OPCML: variants seen among roughly 807,000 people sequenced by gnomAD.
OPCML encodes the protein opioid binding protein/cell adhesion molecule like, also known as opioid-binding protein/cell adhesion molecule.
OPCML carries 13 observed loss-of-function variants against 37.8 expected under a neutral mutation model. The ratio of observed to expected loss-of-function variants is 0.34; its 90% CI spans 0.22 to 0.55. The LOEUF is 0.55. Ranked by LOEUF, OPCML falls within the 20% of genes least tolerant of loss-of-function variation. The probability of loss-of-function intolerance (pLI) is 0.91; values close to 1 mark genes in which losing one functional copy is unlikely to be tolerated. For synonymous variants in OPCML, 176 were observed against 168.8 expected, an observed-to-expected ratio of 1.04 and a Z score of -0.33; for missense variants, 341 against 435.6, an observed-to-expected ratio of 0.78 and a Z score of 1.93.
At chr11:132,463,369 G>A (rs560199741) in intron 4 of OPCML, among the ~76,000 whole-genome samples, 29 of 152,290 alleles carry the variant, frequency 1.9e-4, no homozygotes, top group African/African-American at 4.6e-4. Flanking sequence ...TAGAGTGGGC[G>A]CCTGGACAGC....
intron 3 of OPCML, among the ~76,000 whole-genome samples, chr11:132,603,477 T>C (rs1938065816): frequency 6.6e-6 from 1 of 152,208 alleles, no homozygotes; most frequent in Admixed American, 6.5e-5. Flanking sequence ...ATCTCTACCA[T>C]CACTCCTCTG....
chr11:133,024,685 G>A (rs61910329), intron 1 of OPCML: 55,968 of 841,208 alleles, frequency 0.067, 1,982 homozygotes, highest in Non-Finnish European at 0.074. Context: ...GTCTATGAAA[G>A]TGGTGGGGGA....
chr11:133,248,735 A>C (rs1370044767), intron 1 of OPCML, among the ~76,000 whole-genome samples: 1 of 152,200 alleles, frequency 6.6e-6, no homozygotes, highest in East Asian at 1.9e-4. Context: ...AAAGGGCATA[A>C]TTAAAGGGCT....
chr11:132,445,746 G>C (rs1444827687), intron 4 of OPCML, among the ~76,000 whole-genome samples: 1 of 152,160 alleles, frequency 6.6e-6, no homozygotes, highest in South Asian at 2.1e-4. Flanking sequence ...GGTAAGTTGA[G>C]GACTCCTGTT....
At chr11:132,997,209 G>A (rs1946904513) in intron 1 of OPCML, among the ~76,000 whole-genome samples, 1 of 152,184 alleles carries the variant, frequency 6.6e-6, no homozygotes, top group Admixed American at 6.5e-5. Context: ...ACACGTATCT[G>A]CACATGAGTC....
At chr11:132,954,679 C>T (rs1476965675) in intron 1 of OPCML, among the ~76,000 whole-genome samples, 1 of 152,158 alleles carries the variant, frequency 6.6e-6, no homozygotes, top group Non-Finnish European at 1.5e-5. Context: ...ACAATGTTTA[C>T]AGTCATAGAT....
At position 132,737,740 on chromosome 11, in the gene OPCML, C is replaced by T. The variant is rs1945308050; in HGVS notation, c.147-80421G>A. Among the ~76,000 whole-genome samples, 2 of 152,060 alleles carry T rather than the reference C, an allele frequency of 1.3e-5. 1 individual carries two copies. Among genetic ancestry groups the T allele is most frequent in the Admixed American group, 1.3e-4 (2 of 15,256 alleles). On this transcript the variant is annotated intron_variant, in intron 2 of 7. Transcript: ENST00000524381. ...GTAAAATTACTGGGTCAAAAAGGCC[C>T]TTGGACATTCTAAACAGCAACAAAA... is the stretch of plus-strand genomic sequence containing the variant.
At chr11:133,022,086 G>A (rs892731715) in intron 1 of OPCML, among the ~76,000 whole-genome samples, 1 of 152,172 alleles carries the variant, frequency 6.6e-6, no homozygotes, top group Non-Finnish European at 1.5e-5. Flanking sequence ...TTTCTACTTC[G>A]CAGTAGGGCC....
At chr11:132,917,273 T>G (rs897632344) in intron 2 of OPCML, among the ~76,000 whole-genome samples, 7 of 152,240 alleles carry the variant, frequency 4.6e-5, no homozygotes, top group Non-Finnish European at 8.8e-5. Flanking sequence ...AAGGGACAAT[T>G]AGCATTCAAT....
intron 2 of OPCML, among the ~76,000 whole-genome samples, chr11:132,753,120 A>G (rs1945897285): frequency 6.6e-6 from 1 of 151,976 alleles, no homozygotes; most frequent in African/African-American, 2.4e-5. Context: ...TGGCCCCACA[A>G]GCCCTCCATT....
At chr11:133,499,493 C>T (rs1463149073) in intron 1 of OPCML, among the ~76,000 whole-genome samples, 1 of 152,070 alleles carries the variant, frequency 6.6e-6, no homozygotes, top group Non-Finnish European at 1.5e-5. Flanking sequence ...AACCCCTTTG[C>T]CACCGTGCTC....
chr11:132,888,227 C>T (rs1373603428), intron 2 of OPCML, among the ~76,000 whole-genome samples: 5 of 152,190 alleles, frequency 3.3e-5, no homozygotes, highest in African/African-American at 9.7e-5. Flanking sequence ...TGGGACGTCT[C>T]ACCCCATACC....
intron 1 of OPCML, among the ~76,000 whole-genome samples, chr11:133,019,969 T>C (rs913474800): frequency 4.6e-5 from 7 of 152,216 alleles, no homozygotes; most frequent in South Asian, 2.1e-4. Context: ...TAATTAACTA[T>C]TTAAAATTCC....
intron 1 of OPCML, among the ~76,000 whole-genome samples, chr11:133,185,063 C>T (rs1938011295): frequency 6.6e-6 from 1 of 152,146 alleles, no homozygotes; most frequent in Admixed American, 6.5e-5. Flanking sequence ...ACCCAGCTTT[C>T]AAACCTCATA....
intron 1 of OPCML, among the ~76,000 whole-genome samples, chr11:133,186,421 T>C (rs1592084446): frequency 6.6e-6 from 1 of 150,488 alleles, no homozygotes; most frequent in Non-Finnish European, 1.5e-5. Flanking sequence ...TTCAGGCCCA[T>C]AGCTGCCTCT....
intron 2 of OPCML, among the ~76,000 whole-genome samples, chr11:132,918,259 G>C (rs1944672493): frequency 6.6e-6 from 1 of 152,206 alleles, no homozygotes; most frequent in African/African-American, 2.4e-5. Flanking sequence ...GCATATAAAG[G>C]GCACTGATCT....
rs575405386 is a variant in OPCML, at chr11:133,393,163, CAT to C, written c.61+139099_61+139100del. On this transcript the variant is annotated intron_variant, in intron 1 of 7. Coordinates refer to ENST00000524381, the MANE Select transcript of OPCML (RefSeq NM_001012393.5). The stretch of plus-strand genomic sequence containing the variant: ...GGTGTGATGTGCCTTATGGAGAAAA[CAT>C]GTGTGTTAGAGAAGCTACATTCAGG... Among the ~76,000 whole-genome samples the C allele has an allele frequency of 3.3e-3, 498 of 151,952 alleles. 3 individuals carry two copies. Among genetic ancestry groups the C allele is most frequent in the African/African-American group, 8.7e-3 (361 of 41,418 alleles).
At chr11:132,580,210 C>A (rs2096459468) in intron 3 of OPCML, among the ~76,000 whole-genome samples, 1 of 152,142 alleles carries the variant, frequency 6.6e-6, no homozygotes, top group Admixed American at 6.6e-5. Flanking sequence ...CTGTATGACT[C>A]CGCAGGGGGG....
At chr11:132,566,449 G>T (rs756064541) in intron 3 of OPCML, among the ~76,000 whole-genome samples, 1 of 152,198 alleles carries the variant, frequency 6.6e-6, no homozygotes, top group Non-Finnish European at 1.5e-5. Context: ...AGTACATCTA[G>T]AGAGGTGGAC....
Sources: allele counts gnomAD v4.1 joint callset (sites outside exome capture counted in the v4.1 genomes callset), GRCh38; gene constraint gnomAD v4.1.1; transcripts MANE v1.5; gene names NCBI Gene and HGNC (gene_info 2026-07-23, HGNC 2026-07-21).